RPS6KA2: variants seen among roughly 807,000 people sequenced by gnomAD.
The protein encoded by RPS6KA2 is ribosomal protein S6 kinase A2, also known as ribosomal protein S6 kinase alpha-2.
In RPS6KA2, 42 loss-of-function variants were observed where a neutral mutation model predicts 91.8. That is an observed-to-expected ratio of 0.46 (90% CI 0.36 to 0.59). The LOEUF (loss-of-function observed/expected upper bound fraction) is 0.59. Among genes scored for constraint, RPS6KA2 ranks in the 20% least tolerant of loss-of-function variants. The pLI is 0.00. For synonymous variants in RPS6KA2, 414 were observed against 393.6 expected (o/e 1.05, Z -0.61); for missense variants, 798 against 978.5 (o/e 0.82, Z 2.46).
intron 2 of RPS6KA2, among the ~76,000 whole-genome samples, chr6:166,636,116 A>G (rs1482209849): frequency 1.3e-5 from 2 of 151,268 alleles, no homozygotes; most frequent in African/African-American, 4.9e-5. Flanking sequence ...CCTACCGCCC[A>G]TCCCGCCCTG....
At chr6:166,658,367 C>T (rs1289167987) in intron 2 of RPS6KA2, among the ~76,000 whole-genome samples, 2 of 152,232 alleles carry the variant, frequency 1.3e-5, no homozygotes, top group African/African-American at 4.8e-5. Context: ...ACAAGGCTTC[C>T]CGAGCCAAAC....
chr6:166,541,785 T>C (rs983214344), intron 1 of RPS6KA2, among the ~76,000 whole-genome samples: 2 of 152,210 alleles, frequency 1.3e-5, no homozygotes, highest in African/African-American at 4.8e-5. Flanking sequence ...ATTTCAAATT[T>C]TGTGCAGATT....
At chr6:166,735,993 G>C (rs1161460463) in intron 2 of RPS6KA2, among the ~76,000 whole-genome samples, 1 of 152,208 alleles carries the variant, frequency 6.6e-6, no homozygotes, top group Non-Finnish European at 1.5e-5. Flanking sequence ...AATAGGTGTA[G>C]GTTCCCAAGT....
intron 2 of RPS6KA2, among the ~76,000 whole-genome samples, chr6:166,686,439 G>A (rs1269105337): frequency 1.3e-5 from 2 of 152,170 alleles, no homozygotes; most frequent in East Asian, 1.9e-4. Context: ...AGGTTGGTGT[G>A]AACTTCTGAA....
chr6:166,418,172 A>G lies in RPS6KA2; in HGVS notation c.1938+53T>C. 1 of 1,183,750 alleles carries G rather than the reference A, an allele frequency of 8.4e-7. No individual in the cohort carries two copies. Among genetic ancestry groups the G allele is most frequent in the East Asian group, 2.3e-5 (1 of 42,804 alleles). The allele number at this position is 1,183,750 out of a possible 1,614,324, so 73.3% of individuals were successfully genotyped here. On this transcript the variant is annotated intron_variant, in intron 19 of 20. Transcript: ENST00000265678. This position sits in a 1 kb window ranked among gnomAD's most constrained non-coding sequence, Gnocchi z 4.9. ...ATCCCCTGGCTTCCTCAGAAATCAT[A>G]TGGCTATTTCAGAATCTGAATATTT...
At chr6:166,676,811 T>C (rs552801597) in intron 2 of RPS6KA2, among the ~76,000 whole-genome samples, 1 of 152,376 alleles carries the variant, frequency 6.6e-6, no homozygotes, top group South Asian at 2.1e-4. Flanking sequence ...TGTTTGTATG[T>C]ATCCTACAAT....
intron 2 of RPS6KA2, among the ~76,000 whole-genome samples, chr6:166,798,467 G>C (rs1384627228): frequency 6.6e-6 from 1 of 152,228 alleles, no homozygotes; most frequent in Non-Finnish European, 1.5e-5. Context: ...GAGGGCATTA[G>C]GGAGCTTCCC....
At position 166,638,790 on chromosome 6, in the gene RPS6KA2, G is replaced by A. The variant is rs191073225; in HGVS notation, c.124-100006C>T. Reference sequence around the variant, plus strand: ...GGGCTACCGGCATCTCGTGGGTTGAGGCCGGGCACTGCTGAACCCTCTACA... The same window carrying A: ...GGGCTACCGGCATCTCGTGGGTTGAAGCCGGGCACTGCTGAACCCTCTACA... On this transcript the variant is annotated intron_variant, in intron 2 of 21. Transcript: ENST00000503859. Among the ~76,000 whole-genome samples, 182 of 152,262 alleles carry A rather than the reference G, an allele frequency of 1.2e-3. 2 individuals are homozygous for A. Among genetic ancestry groups the A allele is most frequent in the African/African-American group, 3.9e-3 (160 of 41,546 alleles).
rs575781509 is a variant in RPS6KA2 at position 166,429,053 on chromosome 6, T to G, written c.1581+1400A>C. Among the ~76,000 whole-genome samples the G allele has an allele frequency of 7.6e-4, 116 of 152,078 alleles. 4 individuals are homozygous for G. The South Asian group carries it at 0.023, about 31-fold the overall frequency. On this transcript the variant is annotated intron_variant, in intron 16 of 20. Transcript: ENST00000265678. ...AACCAACCCAAATGTTCAACAATGATAGACTGGATTAAGAAAATGTGGCAC... is the reference window on the plus strand; with the variant it reads ...AACCAACCCAAATGTTCAACAATGAGAGACTGGATTAAGAAAATGTGGCAC...
intron 5 of RPS6KA2, among the ~76,000 whole-genome samples, chr6:166,507,616 CCA>C (rs1278672399): frequency 6.6e-6 from 1 of 150,808 alleles, no homozygotes; most frequent in Non-Finnish European, 1.5e-5. Context: ...ACAAAGCACA[CCA>C]CACACCCCAC....
At chr6:166,569,614 C>T (rs918073258) in intron 1 of RPS6KA2, among the ~76,000 whole-genome samples, 1 of 152,162 alleles carries the variant, frequency 6.6e-6, no homozygotes, top group Admixed American at 6.5e-5. Context: ...TGGTCACTCC[C>T]AGGACTCCTC....
At chr6:166,716,550 C>T (rs1480300732) in intron 2 of RPS6KA2, among the ~76,000 whole-genome samples, 1 of 152,214 alleles carries the variant, frequency 6.6e-6, no homozygotes, top group Non-Finnish European at 1.5e-5. Context: ...CTTATGGGAC[C>T]ACCTTCAGAT....
At chr6:166,607,394 C>T (rs1785992080) in intron 1 of RPS6KA2, among the ~76,000 whole-genome samples, 1 of 149,332 alleles carries the variant, frequency 6.7e-6, no homozygotes, top group Admixed American at 6.7e-5. Flanking sequence ...AAATGTCTAT[C>T]AACTTACTAA....
intron 2 of RPS6KA2, among the ~76,000 whole-genome samples, chr6:166,668,097 G>A (rs555379931): frequency 9.2e-5 from 14 of 152,328 alleles, no homozygotes; most frequent in African/African-American, 3.4e-4. Context: ...ACAATGCCAG[G>A]TTCCTGGAGA....
At chr6:166,824,785 CTGTG>C (rs1231266460) in intron 2 of RPS6KA2, among the ~76,000 whole-genome samples, 1 of 146,304 alleles carries the variant, frequency 6.8e-6, no homozygotes, top group Non-Finnish European at 1.5e-5. Context: ...ACGTGTGTGT[CTGTG>C]TGTGTGTCTG....
rs148697778 is a variant in RPS6KA2, at chr6:166,747,136, G to A, written c.123+111064C>T. Among the ~76,000 whole-genome samples, 541 of 152,258 alleles carry A rather than the reference G, an allele frequency of 3.6e-3. 6 individuals carry two copies. Among genetic ancestry groups the A allele is most frequent in the African/African-American group, 0.012 (495 of 41,534 alleles). The stretch of plus-strand genomic sequence containing the variant: ...TTGGCCATTGGTGATAAGCTTGACC[G>A]TCAGCCCCTCTCCTCTTCCTGGGGG... On this transcript the variant is annotated intron_variant, in intron 2 of 21. Transcript: ENST00000503859.
intron 2 of RPS6KA2, among the ~76,000 whole-genome samples, chr6:166,534,201 G>A (rs1457539213): frequency 4.3e-5 from 5 of 116,592 alleles, no homozygotes; most frequent in Middle Eastern, 9.4e-3. Context: ...CGGCCTGGGC[G>A]AAACAGCGAG....
chr6:166,548,140 A>G lies in RPS6KA2; in HGVS notation c.100-9356T>C, dbSNP rs546209602. ...CCAAAAAGATGAAATACTTACATAT[A>G]AAGTAACAAAACAAGTATAGTATCT... On this transcript the variant is annotated intron_variant, in intron 1 of 20. Coordinates refer to ENST00000265678, the MANE Select transcript of RPS6KA2 (RefSeq NM_021135.6). Among the ~76,000 whole-genome samples the G allele has an allele frequency of 6.6e-5, 10 of 152,378 alleles. No homozygotes were observed. The South Asian group carries it at 1.0e-3, about 16-fold the overall frequency.
rs567252175 is a variant in RPS6KA2, at chr6:166,815,696, T to C, written c.123+42504A>G. ...CAGGAAATAATGTGGCCCTGATATA[T>C]GTCAGTGGCAATGGAATTAAAGAGG... On this transcript the variant is annotated intron_variant, in intron 2 of 21. Coordinates refer to the RPS6KA2 transcript ENST00000503859. Among the ~76,000 whole-genome samples, 4 of 152,290 alleles carry C rather than the reference T, an allele frequency of 2.6e-5. No individual in the cohort carries two copies. The South Asian group carries it at 8.3e-4, about 32-fold the overall frequency.
Sources: gnomAD v4.1 joint callset for allele counts (sites outside exome capture counted in the v4.1 genomes callset) on GRCh38, gnomAD v4.1.1 for gene constraint, Gnocchi (gnomAD v3.1) non-coding constraint, MANE v1.5 for transcripts, NCBI Gene and HGNC (gene_info 2026-07-23, HGNC 2026-07-21) for gene names.